CTIF: variants seen among roughly 807,000 people sequenced by gnomAD.
CTIF encodes the protein cap binding complex dependent translation initiation factor.
In CTIF, 21 loss-of-function variants were observed where a neutral mutation model predicts 66.0. The ratio of observed to expected loss-of-function variants is 0.32; its 90% CI spans 0.23 to 0.46. CTIF has a LOEUF of 0.46. CTIF is among the 20% of genes least tolerant of loss of function. The pLI is 1.00. For synonymous variants in CTIF, 345 were observed against 326.4 expected (o/e 1.06, Z -0.62); for missense variants, 739 against 812.7 (o/e 0.91, Z 1.10).
At position 48,761,173 on chromosome 18, in the gene CTIF, A is replaced by C. The variant is rs1305333353; in HGVS notation, c.1072-217A>C. On this transcript the variant is annotated intron_variant, in intron 8 of 11. Transcript: ENST00000256413. This position sits in a 1 kb window ranked among gnomAD's most constrained non-coding sequence, Gnocchi z 4.2. Reference sequence around the variant, plus strand: ...GGAGCTAGAACCCAAAAACAGTATCAGCCCTGGATGTCATAGGGGCCAAGA... The same window carrying C: ...GGAGCTAGAACCCAAAAACAGTATCCGCCCTGGATGTCATAGGGGCCAAGA... The C allele has an allele frequency of 1.9e-6, 1 of 528,212 alleles. No homozygotes were observed. The highest frequency in any genetic ancestry group is 3.3e-6 in the Non-Finnish European group (1 of 299,478). The allele number at this position is 528,212 out of a possible 1,614,324, so 32.7% of individuals were successfully genotyped here. A position where few individuals can be genotyped will look rare whatever the true frequency, so the allele number is the denominator to read the frequency against.
intron 10 of CTIF, among the ~76,000 whole-genome samples, chr18:48,828,827 G>A (rs937612891): frequency 1.5e-4 from 23 of 152,194 alleles, no homozygotes; most frequent in African/African-American, 5.5e-4. Flanking sequence ...GAGGGCAGTA[G>A]GGGGACTCTC....
chr18:48,629,980 T>G (rs1199948746), intron 2 of CTIF, among the ~76,000 whole-genome samples: 1 of 152,214 alleles, frequency 6.6e-6, no homozygotes, highest in African/African-American at 2.4e-5. Context: ...CTGTTTTGCT[T>G]TCCATGGTTT....
At chr18:48,601,532 A>G (rs1301403698) in intron 1 of CTIF, among the ~76,000 whole-genome samples, 2 of 152,218 alleles carry the variant, frequency 1.3e-5, no homozygotes, top group Non-Finnish European at 1.5e-5. Context: ...ATCTGTAAAC[A>G]TGGCACAATA....
rs140433571 is a variant in CTIF at position 48,862,098 on chromosome 18, C to T, written c.*2539C>T. The T allele has an allele frequency of 5.1e-4, 78 of 152,030 alleles. No homozygotes were observed. The highest frequency in any genetic ancestry group is 1.9e-3 in the African/African-American group (77 of 41,462). 9.4% of individuals were successfully genotyped at this position (152,030 alleles called of 1,614,324 possible). On this transcript the variant is annotated 3_prime_UTR_variant, in exon 12 of 12. Coordinates refer to ENST00000256413, the MANE Select transcript of CTIF (RefSeq NM_014772.3). Reference sequence around the variant, plus strand: ...CAGTCAAGCCTAAAATTTGAGACCCCGAGGCAGCTTCCCGAGGGAGACTGC... The same window carrying T: ...CAGTCAAGCCTAAAATTTGAGACCCTGAGGCAGCTTCCCGAGGGAGACTGC...
chr18:48,841,216 G>C (rs2068933385), intron 10 of CTIF, among the ~76,000 whole-genome samples: 1 of 152,206 alleles, frequency 6.6e-6, no homozygotes, highest in Non-Finnish European at 1.5e-5. Flanking sequence ...GGGAACTGTA[G>C]GTTGGCATAG....
At chr18:48,621,870 C>T (rs1189088635) in intron 2 of CTIF, among the ~76,000 whole-genome samples, 1 of 152,146 alleles carries the variant, frequency 6.6e-6, no homozygotes, top group Non-Finnish European at 1.5e-5. Flanking sequence ...CCTGTGTGTT[C>T]AATCCAGGGG....
At chr18:48,672,725 G>C (rs2091556207) in intron 6 of CTIF, among the ~76,000 whole-genome samples, 1 of 152,200 alleles carries the variant, frequency 6.6e-6, no homozygotes, top group South Asian at 2.1e-4. Context: ...CACCCCAGAA[G>C]AAGAGGGGCA....
chr18:48,670,617 G>A (rs2091516371), intron 5 of CTIF, 52 bp from the exon 6 acceptor site: 2 of 1,512,008 alleles, frequency 1.3e-6, no homozygotes, highest in African/African-American at 1.4e-5. Context: ...GGATGGGACA[G>A]GAGGCATGAA....
chr18:48,592,374 G>A (rs1430648336), intron 1 of CTIF, among the ~76,000 whole-genome samples: 1 of 151,972 alleles, frequency 6.6e-6, no homozygotes, highest in African/African-American at 2.4e-5. Context: ...GCGCATGCCT[G>A]TAATCCCAGC....
At chr18:48,854,167 C>T (rs1455965218) in intron 10 of CTIF, among the ~76,000 whole-genome samples, 2 of 152,072 alleles carry the variant, frequency 1.3e-5, no homozygotes, top group Non-Finnish European at 2.9e-5. Flanking sequence ...CGACAGTTCA[C>T]CCTGGAAAAT....
rs377375398 is a variant in CTIF, at chr18:48,848,326, G to A, written c.1528-9262G>A. On this transcript the variant is annotated intron_variant, in intron 10 of 11. Transcript: ENST00000256413. ...GCTCCCAGGCTGGCTTTGTTCTCCC[G>A]CCAATCACAGCCCTCTGCAAACCTC... is the stretch of plus-strand genomic sequence containing the variant. Among the ~76,000 whole-genome samples the A allele has an allele frequency of 1.4e-4, 21 of 152,142 alleles. No individual in the cohort carries two copies. The East Asian group carries it at 3.3e-3, about 24-fold the overall frequency.
chr18:48,587,669 A>G (rs2089801907), intron 1 of CTIF, among the ~76,000 whole-genome samples: 1 of 152,208 alleles, frequency 6.6e-6, no homozygotes, highest in South Asian at 2.1e-4. Context: ...GGCTGTGACT[A>G]AGTAAACTTC....
At chr18:48,791,192 TG>T (rs2146133775) in intron 9 of CTIF, among the ~76,000 whole-genome samples, 1 of 152,280 alleles carries the variant, frequency 6.6e-6, no homozygotes, top group East Asian at 1.9e-4. Context: ...GCATGCTGGC[TG>T]GTCAGACCAT....
rs1412623388 is a variant in CTIF at position 48,861,490 on chromosome 18, T to TC, written c.*1932dup. 1 of 151,602 alleles carries TC rather than the reference T, an allele frequency of 6.6e-6. No homozygotes were observed. The highest frequency in any genetic ancestry group is 1.5e-5 in the Non-Finnish European group (1 of 68,118). The allele number at this position is 151,602 out of a possible 1,614,324, so 9.4% of individuals were successfully genotyped here. On this transcript the variant is annotated 3_prime_UTR_variant, in exon 12 of 12. Coordinates refer to ENST00000256413, the MANE Select transcript of CTIF (RefSeq NM_014772.3). ...AGGAGCCGGGCTGATGCGGGGCTGC[T>TC]CAGGGCAGGCCCCAGGGCGAGCTTG...
chr18:48,852,918 G>A (rs968832722), intron 10 of CTIF, among the ~76,000 whole-genome samples: 4 of 152,152 alleles, frequency 2.6e-5, no homozygotes, highest in Non-Finnish European at 2.9e-5. Flanking sequence ...GTTTGCAGAC[G>A]CATCGATAAT....
chr18:48,757,984 C>A lies in CTIF; in HGVS notation c.650C>A (p.Ala217Asp), dbSNP rs1908560396. 3.1e-6 allele frequency: 5 copies of A among 1,613,954 alleles called. No individual in the cohort carries two copies. The highest frequency in any genetic ancestry group is 3.3e-5 in the Admixed American group (2 of 60,020). ...CATGGTGACCACCAGCCAGGCAGTG[C>A]CAAACACAACAGGGACCACCAGAAA... ...QQHGDHQPGS[A>D]KHNRDHQKSY... The change falls in exon 8 of 12, where the codon GCC becomes GAC. Residue 217 changes from alanine (A) to aspartate (D), a missense_variant. Ala to Asp is a moderately radical substitution (Grantham distance 126). Around this residue, in one of 2 missense-constraint regions of CTIF, gnomAD observed 529 missense variants for 520.3 expected, o/e 1.02. Coordinates refer to ENST00000256413, the MANE Select transcript of CTIF (RefSeq NM_014772.3).
intron 10 of CTIF, among the ~76,000 whole-genome samples, chr18:48,838,497 C>T (rs2068863346): frequency 6.6e-6 from 1 of 151,872 alleles, no homozygotes; most frequent in South Asian, 2.1e-4. Flanking sequence ...TTTTTGTCCG[C>T]CCCCCTGAAA....
intron 10 of CTIF, among the ~76,000 whole-genome samples, chr18:48,820,075 A>T (rs964467652): frequency 6.6e-6 from 1 of 152,168 alleles, no homozygotes; most frequent in Non-Finnish European, 1.5e-5. Flanking sequence ...TTAAAGGGCT[A>T]CTTGGGCTGA....
intron 2 of CTIF, among the ~76,000 whole-genome samples, chr18:48,628,428 C>G (rs2090641722): frequency 6.6e-6 from 1 of 152,140 alleles, no homozygotes; most frequent in South Asian, 2.1e-4. Context: ...TGCATTGTTT[C>G]TCACATGTTA....
Sources: gnomAD v4.1 joint callset for allele counts (sites outside exome capture counted in the v4.1 genomes callset) on GRCh38, gnomAD v4.1.1 for gene constraint, gnomAD v4.1.1 regional missense constraint, Gnocchi (gnomAD v3.1) non-coding constraint, MANE v1.5 for transcripts, NCBI Gene and HGNC (gene_info 2026-07-23, HGNC 2026-07-21) for gene names.